SIPA1L1: variants seen among roughly 807,000 people sequenced by gnomAD.
SIPA1L1 encodes signal-induced proliferation-associated 1-like protein 1.
In SIPA1L1, 26 loss-of-function variants were observed where a neutral mutation model predicts 162.7. The ratio of observed to expected loss-of-function variants is 0.16; its 90% CI spans 0.12 to 0.22. The LOEUF (loss-of-function observed/expected upper bound fraction) is 0.22, where lower values mean the gene tolerates loss of function less well. Ranked by LOEUF, SIPA1L1 falls within the 10% of genes least tolerant of loss-of-function variation. The pLI is 1.00. For synonymous variants in SIPA1L1, 829 were observed against 837.4 expected, an observed-to-expected ratio of 0.99 and a Z score of 0.17; for missense variants, 1,874 against 2,241.0, an observed-to-expected ratio of 0.84 and a Z score of 3.31.
At chr14:71,338,307 A>G (rs2035302137) in intron 2 of SIPA1L1, among the ~76,000 whole-genome samples, 1 of 152,246 alleles carries the variant, frequency 6.6e-6, no homozygotes, top group Non-Finnish European at 1.5e-5. Flanking sequence ...TCAAAAGTCC[A>G]TCAAGTGGAA....
chr14:71,588,903 A>G lies in SIPA1L1; in HGVS notation c.1031A>G (p.Asn344Ser). ...YDVQSILFDL[N>S]EAIMNRHNVI... ...GTCCAGAGTATATTATTTGATTTGAATGAGGCAATTATGAACAGGCACAAT... is the reference window on the plus strand; with the variant it reads ...GTCCAGAGTATATTATTTGATTTGAGTGAGGCAATTATGAACAGGCACAAT... The change falls in exon 5 of 24, where the codon AAT becomes AGT. Residue 344 changes from asparagine (N) to serine (S), a missense_variant. Physicochemically the swap from Asn to Ser is conservative, Grantham distance 46. Coordinates refer to ENST00000381232, the MANE Select transcript of SIPA1L1 (RefSeq NM_001386936.1). This position sits in a 1 kb window ranked among gnomAD's most constrained non-coding sequence, Gnocchi z 4.3. 1.2e-6 allele frequency: 2 copies of G among 1,614,100 alleles called. No homozygotes were observed. Among genetic ancestry groups the G allele is most frequent in the Non-Finnish European group, 1.7e-6 (2 of 1,179,990 alleles).
intron 7 of SIPA1L1, among the ~76,000 whole-genome samples, chr14:71,631,361 G>A (rs1198921546): frequency 1.3e-5 from 2 of 152,106 alleles, no homozygotes; most frequent in Non-Finnish European, 2.9e-5. Flanking sequence ...CTACTGCATA[G>A]TAGCATAGTA....
In SIPA1L1 at chr14:71,694,892, G is replaced by T. The variant is rs190078226; in HGVS notation, c.3375-4089G>T. Among the ~76,000 whole-genome samples the T allele has an allele frequency of 3.2e-4, 49 of 152,324 alleles. No individual in the cohort carries two copies. In the East Asian group the frequency reaches 6.2e-3, roughly 19 times the overall value. On this transcript the variant is annotated intron_variant, in intron 13 of 23. Coordinates refer to ENST00000381232, the MANE Select transcript of SIPA1L1 (RefSeq NM_001386936.1). Reference sequence around the variant, plus strand: ...CTCAGCAGCTCTTAAAACAGAGTACGCTTGTAAGGTGGGGTGGGATGGACA... The same window carrying T: ...CTCAGCAGCTCTTAAAACAGAGTACTCTTGTAAGGTGGGGTGGGATGGACA...
chr14:71,474,415 T>C (rs1193841898), intron 2 of SIPA1L1, among the ~76,000 whole-genome samples: 2 of 152,214 alleles, frequency 1.3e-5, no homozygotes, highest in Admixed American at 6.5e-5. Context: ...CACTGGGAGA[T>C]ACAGTCCTTT....
intron 2 of SIPA1L1, among the ~76,000 whole-genome samples, chr14:71,510,756 G>A (rs996009723): frequency 9.2e-5 from 14 of 152,190 alleles, no homozygotes; most frequent in African/African-American, 3.4e-4. Flanking sequence ...AGTTAATGTT[G>A]GTATGAACCA....
intron 15 of SIPA1L1, among the ~76,000 whole-genome samples, chr14:71,704,531 C>G (rs997072316): frequency 1.3e-5 from 2 of 152,186 alleles, no homozygotes; most frequent in African/African-American, 4.8e-5. Context: ...GTATTTTGCC[C>G]TGTCCTCTAC....
intron 4 of SIPA1L1, among the ~76,000 whole-genome samples, chr14:71,567,734 A>T (rs1341652738): frequency 6.9e-6 from 1 of 145,810 alleles, no homozygotes; most frequent in East Asian, 2.0e-4. Context: ...GAGGAATAAA[A>T]GAATGGCTAC....
rs958205271 is a variant in SIPA1L1 at position 71,502,038 on chromosome 14, CA to C, written c.-464-10688del. ...GGGCGACATAGTAAGACCCTGTTTC[CA>C]AAAAAAAAAAAAAAAATCTTCATTG... is the stretch of plus-strand genomic sequence containing the variant. On this transcript the variant is annotated intron_variant, in intron 2 of 23. Coordinates refer to ENST00000381232, the MANE Select transcript of SIPA1L1 (RefSeq NM_001386936.1). Among the ~76,000 whole-genome samples, 753 of 87,204 alleles carry C rather than the reference CA, an allele frequency of 8.6e-3. 8 individuals carry two copies. Among genetic ancestry groups the C allele is most frequent in the African/African-American group, 0.026 (614 of 23,876 alleles). 57.2% of individuals were successfully genotyped at this position (87,204 alleles called of 152,430 possible).
intron 8 of SIPA1L1, among the ~76,000 whole-genome samples, chr14:71,654,176 A>G (rs890506773): frequency 1.3e-5 from 2 of 152,228 alleles, no homozygotes; most frequent in Admixed American, 6.5e-5. Context: ...AAGACCATCT[A>G]CACATTTCAA....
chr14:71,352,088 T>G (rs997920579), intron 2 of SIPA1L1, among the ~76,000 whole-genome samples: 3 of 151,916 alleles, frequency 2.0e-5, no homozygotes, highest in Non-Finnish European at 2.9e-5. Context: ...AGAGAAGGCC[T>G]CATTGAAAAG....
At chr14:71,672,171 G>A (rs1245644542) in intron 11 of SIPA1L1, among the ~76,000 whole-genome samples, 177 bp from the exon 12 acceptor site, 1 of 152,316 alleles carries the variant, frequency 6.6e-6, no homozygotes, top group South Asian at 2.1e-4. Context: ...GATGCAACAA[G>A]TATATTCCTT....
intron 2 of SIPA1L1, among the ~76,000 whole-genome samples, chr14:71,427,493 G>A (rs1776698517): frequency 1.3e-5 from 2 of 152,254 alleles, no homozygotes; most frequent in Admixed American, 6.5e-5. Flanking sequence ...ATTATAATGT[G>A]TATCAATGGG....
Position 71,576,235 on chromosome 14 carries a change from C to T in SIPA1L1, c.-302-11336C>T, listed in dbSNP as rs142453009. Among the ~76,000 whole-genome samples, 15 of 152,280 alleles carry T rather than the reference C, an allele frequency of 9.9e-5. No individual in the cohort carries two copies. The East Asian group carries it at 2.7e-3, about 27-fold the overall frequency. The stretch of plus-strand genomic sequence containing the variant: ...GGAAGCATTTTTAGAAAGGAGGGTG[C>T]CCTGGTACAAGGAACATGGCTTAGG... On this transcript the variant is annotated intron_variant, in intron 4 of 23. Coordinates refer to ENST00000381232, the MANE Select transcript of SIPA1L1 (RefSeq NM_001386936.1).
intron 2 of SIPA1L1, chr14:71,379,475 T>A (rs906715907): frequency 3.0e-5 from 4 of 131,906 alleles, no homozygotes; most frequent in African/African-American, 1.0e-4. Flanking sequence ...GGCTAATTAA[T>A]TTTTTTTTTT....
intron 14 of SIPA1L1, among the ~76,000 whole-genome samples, chr14:71,700,776 C>T (rs1050698790): frequency 3.3e-5 from 5 of 151,842 alleles, no homozygotes; most frequent in Non-Finnish European, 7.4e-5. Flanking sequence ...GGGCGGATCA[C>T]GAGGTCAGGA....
At chr14:71,451,370 C>G (rs2045807794) in intron 2 of SIPA1L1, among the ~76,000 whole-genome samples, 1 of 151,894 alleles carries the variant, frequency 6.6e-6, no homozygotes, top group Admixed American at 6.6e-5. Flanking sequence ...GGCCAGGCAC[C>G]TGCTTGTAAT....
At chr14:71,393,195 A>G (rs2040902567) in intron 2 of SIPA1L1, among the ~76,000 whole-genome samples, 1 of 152,224 alleles carries the variant, frequency 6.6e-6, no homozygotes. Flanking sequence ...ATTTTGGATT[A>G]CCTTCTTTTA....
Position 71,614,251 on chromosome 14 carries a change from G to C in SIPA1L1, c.1499-4506G>C, listed in dbSNP as rs534625233. 2.0e-4 allele frequency among the ~76,000 whole-genome samples: 31 copies of C among 151,674 alleles called. No homozygotes were observed. In the South Asian group the frequency reaches 6.5e-3, roughly 32 times the overall value. ...AAAAAAACAAAAACCTGAAAATTGT[G>C]ATGCATGGTGATTTGCTGAATGAAA... On this transcript the variant is annotated intron_variant, in intron 5 of 23. Coordinates refer to ENST00000381232, the MANE Select transcript of SIPA1L1 (RefSeq NM_001386936.1).
chr14:71,338,278 T>C (rs763931028), intron 2 of SIPA1L1, among the ~76,000 whole-genome samples: 52 of 152,242 alleles, frequency 3.4e-4, no homozygotes, highest in Admixed American at 3.3e-4. Flanking sequence ...CAGAGGGGCA[T>C]CATCCTTTGT....
Sources: allele counts gnomAD v4.1 joint callset (sites outside exome capture counted in the v4.1 genomes callset), GRCh38; gene constraint gnomAD v4.1.1; non-coding constraint Gnocchi (gnomAD v3.1); transcripts MANE v1.5; gene names NCBI Gene and HGNC (gene_info 2026-07-23, HGNC 2026-07-21).